ARID1B: variants seen among roughly 807,000 people sequenced by gnomAD.
The protein encoded by ARID1B is AT-rich interaction domain 1B.
Under a neutral mutation model 212.3 loss-of-function variants are expected in ARID1B, and 30 were observed. The observed-to-expected ratio is 0.14, with a 90% CI of 0.11 to 0.19. The LOEUF (loss-of-function observed/expected upper bound fraction) is 0.19, where lower values mean the gene tolerates loss of function less well. ARID1B is among the 10% of genes least tolerant of loss of function. The pLI is 1.00. For missense variants in ARID1B, 2,891 were observed against 3,204.0 expected (o/e 0.90, Z 2.36); for synonymous variants, 1,402 against 1,301.7 (o/e 1.08, Z -1.66).
chr6:157,039,054 A>G (rs1781519354), intron 4 of ARID1B, among the ~76,000 whole-genome samples: 1 of 151,848 alleles, frequency 6.6e-6, no homozygotes, highest in African/African-American at 2.4e-5. Context: ...ATTTTTTATA[A>G]AAATGCAGGT....
chr6:156,890,935 T>C (rs1026900817), intron 2 of ARID1B, among the ~76,000 whole-genome samples: 1 of 152,218 alleles, frequency 6.6e-6, no homozygotes, highest in Non-Finnish European at 1.5e-5. Context: ...AAGAACAAGA[T>C]TTATTTTTCT....
At chr6:157,024,154 C>T (rs937924427) in intron 4 of ARID1B, 2 of 152,230 alleles carry the variant, frequency 1.3e-5, no homozygotes, top group African/African-American at 4.8e-5. Context: ...TGAAGTGCCA[C>T]TCTGTGGAAG....
At chr6:157,128,241 T>G (rs1788275153) in intron 6 of ARID1B, among the ~76,000 whole-genome samples, 1 of 152,248 alleles carries the variant, frequency 6.6e-6, no homozygotes. Flanking sequence ...CATAATGGAT[T>G]ACTTTTTTAG....
chr6:157,049,758 T>C (rs1228018255), intron 4 of ARID1B, among the ~76,000 whole-genome samples: 1 of 152,218 alleles, frequency 6.6e-6, no homozygotes, highest in Non-Finnish European at 1.5e-5. Context: ...TTTTAAGAAG[T>C]ATTCTAAAAT....
intron 3 of ARID1B, among the ~76,000 whole-genome samples, chr6:156,921,472 CACACACACACACACACACACAA>C (rs1790788033): frequency 6.7e-6 from 1 of 148,888 alleles, no homozygotes; most frequent in African/African-American, 2.6e-5. Flanking sequence ...CACACACACA[CACACACACACACACACACACAA>C]AATGTAAGGG....
At chr6:157,057,515 C>T (rs527603915) in intron 4 of ARID1B, among the ~76,000 whole-genome samples, 72 of 151,992 alleles carry the variant, frequency 4.7e-4, no homozygotes, top group Non-Finnish European at 9.0e-4. Flanking sequence ...CTTTGAACTC[C>T]TAGGCCCAAA....
chr6:156,778,992 G>A lies in ARID1B; in HGVS notation c.1312G>A (p.Gly438Ser), dbSNP rs1240329007. ...AAAAAAGGGG[G>S]GGYGGSSAGY... is the part of the protein sequence containing the mutation. ...GGCGGCAGCAGCAGGAGGCGGCGGC[G>A]GCGGCGGCTATGGGGGCTCGTCCGC... Residue 438 changes from glycine (G) to serine (S), a missense_variant, in exon 1 of 20, where the codon GGC becomes AGC. This residue lies in a region of ARID1B where 1,643 missense variants were observed against 1,544.0 expected (regional missense o/e 1.06). Transcript: ENST00000636930. 6.3e-6 allele frequency: 8 copies of A among 1,273,104 alleles called. No individual in the cohort carries two copies. The highest frequency in any genetic ancestry group is 2.9e-4 in the Middle Eastern group (1 of 3,402). 78.9% of individuals were successfully genotyped at this position (1,273,104 alleles called of 1,614,324 possible). A position where few individuals can be genotyped will look rare whatever the true frequency, so the allele number is the denominator to read the frequency against.
chr6:156,920,086 A>T (rs1790659622), intron 3 of ARID1B, among the ~76,000 whole-genome samples: 1 of 152,242 alleles, frequency 6.6e-6, no homozygotes, highest in Non-Finnish European at 1.5e-5. Context: ...CAGACTCAGC[A>T]GCCAGTGGAA....
At position 157,148,646 on chromosome 6, in the gene ARID1B, G is replaced by T. The variant is rs772564622; in HGVS notation, c.2784G>T (p.Ala928=). 6.3e-7 allele frequency: 1 copy of T among 1,597,012 alleles called. No individual in the cohort carries two copies. The highest frequency in any genetic ancestry group is 1.7e-5 in the Admixed American group (1 of 59,756). ...GPQGNYSRPP[A]YSGVPSASYS... ...TAGGTAACTACTCCAGACCCCCAGCGTATAGTGGGGTGCCCAGTGCAAGCT... is the reference window on the plus strand; with the variant it reads ...TAGGTAACTACTCCAGACCCCCAGCTTATAGTGGGGTGCCCAGTGCAAGCT... The change falls in exon 8 of 20, where the codon GCG becomes GCT. Residue 928 remains alanine (A), a synonymous_variant. Transcript: ENST00000636930. This position sits in a 1 kb window ranked among gnomAD's most constrained non-coding sequence, Gnocchi z 5.6.
chr6:157,008,317 ACT>A (rs1416956946), intron 4 of ARID1B, among the ~76,000 whole-genome samples: 1 of 151,894 alleles, frequency 6.6e-6, no homozygotes, highest in East Asian at 1.9e-4. Context: ...GTAAACACTA[ACT>A]CTTCATTCCC....
At chr6:156,966,303 G>A (rs1006062251) in intron 4 of ARID1B, among the ~76,000 whole-genome samples, 2 of 151,090 alleles carry the variant, frequency 1.3e-5, no homozygotes, top group South Asian at 4.2e-4. Context: ...TTCTCGTTTT[G>A]GTAGTGTAAA....
chr6:157,088,581 G>T (rs550036431), intron 5 of ARID1B, among the ~76,000 whole-genome samples: 2 of 152,044 alleles, frequency 1.3e-5, no homozygotes, highest in Non-Finnish European at 2.9e-5. Context: ...GTTATCCAGC[G>T]TGCATTATGT....
chr6:157,140,499 A>T (rs1266633804), intron 7 of ARID1B: 1 of 396,882 alleles, frequency 2.5e-6, no homozygotes. Flanking sequence ...CTTTTTGCCT[A>T]TTCCTTGGCT....
chr6:157,072,196 G>A (rs1784042744), intron 4 of ARID1B: 1 of 152,104 alleles, frequency 6.6e-6, no homozygotes, highest in South Asian at 2.1e-4. Flanking sequence ...AGGATTTGTT[G>A]TTCACCTTCG....
intron 4 of ARID1B, among the ~76,000 whole-genome samples, chr6:157,016,044 G>A (rs545454833): frequency 7.0e-4 from 107 of 152,218 alleles, no homozygotes; most frequent in African/African-American, 2.6e-3. Flanking sequence ...CTTTTATCTC[G>A]GAAGACATTT....
At chr6:156,808,401 C>A (rs1042257250) in intron 1 of ARID1B, among the ~76,000 whole-genome samples, 8 of 152,106 alleles carry the variant, frequency 5.3e-5, no homozygotes, top group African/African-American at 1.7e-4. Flanking sequence ...AATAATCTCT[C>A]TTGAAAAAAG....
At chr6:157,177,986 T>C (rs1792219994) in intron 11 of ARID1B, among the ~76,000 whole-genome samples, 2 of 152,210 alleles carry the variant, frequency 1.3e-5, no homozygotes, top group Admixed American at 1.3e-4. Context: ...ATAACGTACA[T>C]GCTCTCTATT....
intron 3 of ARID1B, among the ~76,000 whole-genome samples, chr6:156,928,561 C>G (rs1334786212): frequency 1.3e-5 from 2 of 152,162 alleles, no homozygotes; most frequent in African/African-American, 4.8e-5. Context: ...TAAGGACCTC[C>G]TGTAGAGATT....
intron 7 of ARID1B, among the ~76,000 whole-genome samples, chr6:157,135,017 T>G (rs1301654844): frequency 6.6e-6 from 1 of 152,130 alleles, no homozygotes; most frequent in African/African-American, 2.4e-5. Context: ...CTAGTAAGTC[T>G]TTTGTGAACA....
Sources: gnomAD v4.1 joint callset for allele counts (sites outside exome capture counted in the v4.1 genomes callset) on GRCh38, gnomAD v4.1.1 for gene constraint, gnomAD v4.1.1 regional missense constraint, Gnocchi (gnomAD v3.1) non-coding constraint, MANE v1.5 for transcripts, NCBI Gene and HGNC (gene_info 2026-07-23, HGNC 2026-07-21) for gene names.